The following PINX1 variants were observed in gnomAD, a reference collection of about 807,000 sequenced individuals.
PINX1 encodes PIN2/TERF1-interacting telomerase inhibitor 1.
A neutral mutation model predicts 25.4 loss-of-function variants in PINX1; 34 were observed. The ratio of observed to expected loss-of-function variants is 1.34; its 90% CI spans 1.02 to 1.78. PINX1 has a LOEUF of 1.78. Among genes scored for constraint, PINX1 ranks in the 40% most tolerant of loss-of-function variants. The probability of loss-of-function intolerance (pLI) is 0.00; values close to 1 mark genes in which losing one functional copy is unlikely to be tolerated. For synonymous variants in PINX1, 197 were observed against 147.7 expected (o/e 1.33, Z -2.42); for missense variants, 592 against 404.9 (o/e 1.46, Z -3.97).
chr8:10,799,496 T>C (rs564367280), intron 6 of PINX1, among the ~76,000 whole-genome samples: 1 of 152,210 alleles, frequency 6.6e-6, no homozygotes, highest in Non-Finnish European at 1.5e-5. Context: ...CCACCAAAGA[T>C]TCCAGTTCAT....
intron 2 of PINX1, among the ~76,000 whole-genome samples, chr8:10,833,322 C>G (rs1052627680): frequency 1.6e-4 from 24 of 152,336 alleles, no homozygotes; most frequent in African/African-American, 5.8e-4. Flanking sequence ...CTCACATAAC[C>G]TACGGGAGGA....
chr8:10,783,409 C>T (rs971477458), intron 6 of PINX1, among the ~76,000 whole-genome samples: 1 of 152,142 alleles, frequency 6.6e-6, no homozygotes, highest in Non-Finnish European at 1.5e-5. Context: ...TTGTTGTTCC[C>T]CAAAAGGACC....
chr8:10,827,520 A>G (rs993719654), intron 4 of PINX1, among the ~76,000 whole-genome samples: 4 of 152,110 alleles, frequency 2.6e-5, no homozygotes, highest in Admixed American at 1.3e-4. Context: ...TGTCAAGTTC[A>G]GACAGAAGAG....
chr8:10,821,044 T>C (rs955318554), intron 5 of PINX1, among the ~76,000 whole-genome samples: 1 of 152,354 alleles, frequency 6.6e-6, no homozygotes, highest in East Asian at 1.9e-4. Context: ...CTGTGAGCAG[T>C]AGGCCAAATC....
intron 6 of PINX1, among the ~76,000 whole-genome samples, chr8:10,803,036 T>G (rs1165026162): frequency 6.6e-6 from 1 of 152,146 alleles, no homozygotes; most frequent in African/African-American, 2.4e-5. Flanking sequence ...AACCATTCTG[T>G]GGTGGGACTA....
At chr8:10,810,721 T>C (rs191285704) in intron 6 of PINX1, among the ~76,000 whole-genome samples, 1 of 152,356 alleles carries the variant, frequency 6.6e-6, no homozygotes, top group East Asian at 1.9e-4. Flanking sequence ...CAAATGTCTG[T>C]ACTTCCACCC....
chr8:10,834,532 A>G (rs1798334826), intron 2 of PINX1, 134 bp downstream of exon 2: 1 of 1,314,936 alleles, frequency 7.6e-7, no homozygotes, highest in Non-Finnish European at 1.0e-6. Context: ...GGTCACAACA[A>G]TTTTTGATTT....
rs373331383 is a variant in PINX1, at chr8:10,832,899, T to C, written c.215A>G (p.Asn72Ser). The C allele has an allele frequency of 2.6e-5, 41 of 1,603,554 alleles. No individual in the cohort carries two copies. The African/African-American group carries it at 2.8e-4, about 11-fold the overall frequency. Residue 72 changes from asparagine to serine, a missense_variant, in exon 3 of 7, where the codon AAT (asparagine) becomes AGT (serine). Physicochemically the swap from Asn to Ser is conservative, Grantham distance 46. Transcript: ENST00000314787. ...GCACACACTGCTGCTCACTTCATTA[T>C]TGATGGTAGCTCCGAGTCCCAGGTG... is the stretch of plus-strand genomic sequence containing the variant. ...NNHLGLGATI[N>S]NEDNWIAHQD... is the part of the protein sequence containing the mutation.
chr8:10,781,425 G>A (rs1423556615), intron 6 of PINX1, among the ~76,000 whole-genome samples: 1 of 152,052 alleles, frequency 6.6e-6, no homozygotes, highest in Admixed American at 6.6e-5. Context: ...ACAAATTAGG[G>A]AAAAATACTT....
At chr8:10,802,258 G>C (rs963547991) in intron 6 of PINX1, among the ~76,000 whole-genome samples, 3 of 152,192 alleles carry the variant, frequency 2.0e-5, no homozygotes, top group Non-Finnish European at 4.4e-5. Context: ...AAGCTCACAA[G>C]GCTGACCGCA....
chr8:10,798,575 C>G (rs1478865713), intron 6 of PINX1, among the ~76,000 whole-genome samples: 1 of 152,132 alleles, frequency 6.6e-6, no homozygotes, highest in East Asian at 1.9e-4. Flanking sequence ...GAAAAAAAGC[C>G]AACCAGGCAA....
intron 6 of PINX1, among the ~76,000 whole-genome samples, chr8:10,790,710 C>T (rs1455205310): frequency 6.6e-6 from 1 of 152,176 alleles, no homozygotes; most frequent in Admixed American, 6.5e-5. Context: ...CCTCTACCTG[C>T]CTGCCTCAGT....
intron 6 of PINX1, among the ~76,000 whole-genome samples, chr8:10,785,476 G>C (rs1801719667): frequency 6.6e-6 from 1 of 152,172 alleles, no homozygotes; most frequent in South Asian, 2.1e-4. Context: ...ACAGGAAAAT[G>C]TTTATTTAAA....
chr8:10,771,182 T>G (rs1284481544), intron 6 of PINX1: 1 of 152,248 alleles, frequency 6.6e-6, no homozygotes, highest in Non-Finnish European at 1.5e-5. Flanking sequence ...TATGTCTTCA[T>G]GTATCCCTTC....
chr8:10,783,899 G>T (rs778109286), intron 6 of PINX1, among the ~76,000 whole-genome samples: 1 of 152,192 alleles, frequency 6.6e-6, no homozygotes, highest in Non-Finnish European at 1.5e-5. Context: ...TTAAGACACA[G>T]ATGACTAGAA....
At chr8:10,806,654 T>G (rs1157173078) in intron 6 of PINX1, among the ~76,000 whole-genome samples, 1 of 152,078 alleles carries the variant, frequency 6.6e-6, no homozygotes, top group Non-Finnish European at 1.5e-5. Context: ...CTTTCCAGAG[T>G]GGGGAACAGC....
intron 5 of PINX1, among the ~76,000 whole-genome samples, chr8:10,824,238 A>G (rs1327290140): frequency 2.0e-5 from 3 of 152,180 alleles, no homozygotes; most frequent in African/African-American, 7.2e-5. Context: ...TGAGCGAGTA[A>G]TGGCCAGAGT....
intron 1 of PINX1, among the ~76,000 whole-genome samples, chr8:10,839,074 T>G (rs1487179245): frequency 2.6e-5 from 4 of 152,174 alleles, no homozygotes; most frequent in Non-Finnish European, 4.4e-5. Flanking sequence ...CAAGCGACCT[T>G]CGCTACAGGT....
chr8:10,765,954 C>T (rs1300405396), intron 6 of PINX1, 38 bp from the exon 7 acceptor site: 2 of 1,598,300 alleles, frequency 1.3e-6, no homozygotes, highest in East Asian at 4.5e-5. Flanking sequence ...AGGTAAGCAT[C>T]AACTGTTCAT....
Sources: allele counts gnomAD v4.1 joint callset (sites outside exome capture counted in the v4.1 genomes callset), GRCh38; gene constraint gnomAD v4.1.1; transcripts MANE v1.5; gene names NCBI Gene and HGNC (gene_info 2026-07-23, HGNC 2026-07-21).